Variants in FAM114A1 observed in about 807,000 individuals in gnomAD.
FAM114A1 encodes protein NOXP20.
Under a neutral mutation model 64.3 loss-of-function variants are expected in FAM114A1, and 62 were observed. The ratio of observed to expected loss-of-function variants is 0.96; its 90% confidence interval spans 0.79 to 1.19. The LOEUF (loss-of-function observed/expected upper bound fraction) is 1.19. Ranked by LOEUF, FAM114A1 falls within the 50% of genes most tolerant of loss-of-function variation. FAM114A1 has a pLI of 0.00. For synonymous variants in FAM114A1, 254 were observed against 251.1 expected (o/e 1.01, Z -0.11); for missense variants, 645 against 676.3 (o/e 0.95, Z 0.51).
intron 6 of FAM114A1, among the ~76,000 whole-genome samples, chr4:38,907,315 T>C (rs1718105182): frequency 6.6e-6 from 1 of 152,140 alleles, no homozygotes; most frequent in African/African-American, 2.4e-5. Context: ...ATTCACGGCC[T>C]ATCTGAGCTA....
At chr4:38,894,518 T>C (rs1176414877) in intron 4 of FAM114A1, among the ~76,000 whole-genome samples, 2 of 152,194 alleles carry the variant, frequency 1.3e-5, no homozygotes, top group African/African-American at 4.8e-5. Flanking sequence ...CATCTACTGG[T>C]TATATTTGAA....
At chr4:38,928,283 A>C (rs547715109) in intron 9 of FAM114A1, among the ~76,000 whole-genome samples, 3 of 152,316 alleles carry the variant, frequency 2.0e-5, no homozygotes, top group African/African-American at 7.2e-5. Flanking sequence ...CAGGTGAGAT[A>C]AATGATGCCT....
chr4:38,912,382 T>TTTTG lies in FAM114A1; in HGVS notation c.793-2523_793-2520dup, dbSNP rs376807495. Among the ~76,000 whole-genome samples, 749 of 151,706 alleles carry TTTTG rather than the reference T, an allele frequency of 4.9e-3. 9 individuals carry two copies. Among genetic ancestry groups the TTTTG allele is most frequent in the African/African-American group, 0.017 (701 of 41,410 alleles). On this transcript the variant is annotated intron_variant, in intron 7 of 14. Transcript: ENST00000358869. ...GCTTTAATTTCACTCCCCAGTTGTG[T>TTTTG]TTTGTTTGTTTGTTTGTTTTGAGAT...
At chr4:38,869,806 T>A (rs12642241) in intron 2 of FAM114A1, among the ~76,000 whole-genome samples, 37,162 of 151,704 alleles carry the variant, frequency 0.24, 4,964 homozygotes, top group Non-Finnish European at 0.29. Context: ...CCATTTTTTT[T>A]AAAAAAATCC....
chr4:38,936,253 C>T (rs963989489), intron 13 of FAM114A1, among the ~76,000 whole-genome samples: 15 of 151,724 alleles, frequency 9.9e-5, no homozygotes, highest in Admixed American at 4.6e-4. Flanking sequence ...CCACCACACC[C>T]GGCTAATTTT....
In FAM114A1 at chr4:38,905,607, A is replaced by G. The variant is rs1166549556; in HGVS notation, c.522A>G (p.Gln174=). 3.7e-6 allele frequency: 6 copies of G among 1,614,088 alleles called. No individual in the cohort carries two copies. The highest frequency in any genetic ancestry group is 2.2e-5 in the South Asian group (2 of 91,084). The stretch of plus-strand genomic sequence containing the variant: ...ATTCTGGATCTTCTGAAGGAGCCCA[A>G]CCAAATACTGAAAACGGAGTCCCTG... ...GVNSGSSEGA[Q]PNTENGVPEI... Residue 174 remains glutamine (Q), a synonymous_variant, in exon 5 of 15, where the codon CAA becomes CAG. Transcript: ENST00000358869.
intron 8 of FAM114A1, among the ~76,000 whole-genome samples, chr4:38,918,261 G>A (rs565963105): frequency 6.6e-6 from 1 of 152,178 alleles, no homozygotes; most frequent in African/African-American, 2.4e-5. Context: ...TCCTACAAAT[G>A]TATGGGTCAA....
intron 2 of FAM114A1, 90 bp from the exon 3 acceptor site, chr4:38,877,981 T>C (rs908204192): frequency 9.2e-7 from 1 of 1,085,808 alleles, no homozygotes; most frequent in Admixed American, 3.1e-5. Flanking sequence ...AAAAAAAAAG[T>C]TTTCCCCTAC....
intron 3 of FAM114A1, among the ~76,000 whole-genome samples, chr4:38,879,119 A>T (rs550478149): frequency 2.4e-4 from 36 of 152,024 alleles, no homozygotes; most frequent in African/African-American, 8.4e-4. Flanking sequence ...GTTTTCCTGG[A>T]GCTTTCACCT....
At chr4:38,904,379 G>T (rs1717792620) in intron 4 of FAM114A1, among the ~76,000 whole-genome samples, 2 of 152,204 alleles carry the variant, frequency 1.3e-5, no homozygotes, top group Admixed American at 6.5e-5. Flanking sequence ...ATGTAGACAA[G>T]ACTATGTCCG....
At chr4:38,937,204 A>G (rs2109805620) in intron 13 of FAM114A1, among the ~76,000 whole-genome samples, 1 of 152,310 alleles carries the variant, frequency 6.6e-6, no homozygotes, top group East Asian at 1.9e-4. Context: ...GGGCTGCTCT[A>G]ACAAAGTACC....
intron 8 of FAM114A1, among the ~76,000 whole-genome samples, chr4:38,919,272 T>G (rs1719358926): frequency 6.6e-6 from 1 of 152,196 alleles, no homozygotes; most frequent in Non-Finnish European, 1.5e-5. Context: ...CAAGTTCCCA[T>G]TTGAATTCCC....
intron 4 of FAM114A1, among the ~76,000 whole-genome samples, chr4:38,898,505 T>A (rs1717170577): frequency 6.6e-6 from 1 of 152,194 alleles, no homozygotes; most frequent in Admixed American, 6.5e-5. Flanking sequence ...GTGACATTGC[T>A]GATGATATGA....
chr4:38,914,534 C>T (rs1052793406), intron 7 of FAM114A1: 1 of 155,514 alleles, frequency 6.4e-6, no homozygotes, highest in African/African-American at 2.4e-5. Flanking sequence ...CCACTGCACT[C>T]CAGCCTGAGC....
intron 3 of FAM114A1, among the ~76,000 whole-genome samples, chr4:38,881,168 C>T (rs1177259462): frequency 1.3e-5 from 2 of 150,488 alleles, no homozygotes; most frequent in African/African-American, 4.9e-5. Flanking sequence ...TGAGCCACTG[C>T]ACTCCAGCCT....
intron 13 of FAM114A1, among the ~76,000 whole-genome samples, chr4:38,937,076 G>C (rs932384844): frequency 2.6e-5 from 4 of 152,120 alleles, no homozygotes; most frequent in Admixed American, 2.0e-4. Context: ...TCACCTTCCT[G>C]TTTTTTCTCT....
chr4:38,896,530 G>T (rs553196207), intron 4 of FAM114A1, among the ~76,000 whole-genome samples: 3 of 152,360 alleles, frequency 2.0e-5, no homozygotes, highest in Non-Finnish European at 2.9e-5. Context: ...CTGCTGAAAG[G>T]TAAGAGGGAT....
intron 9 of FAM114A1, among the ~76,000 whole-genome samples, chr4:38,925,114 A>T (rs1719985476): frequency 6.6e-6 from 1 of 152,192 alleles, no homozygotes; most frequent in Admixed American, 6.5e-5. Flanking sequence ...ATACACATTC[A>T]CATATACACA....
intron 10 of FAM114A1, among the ~76,000 whole-genome samples, 165 bp downstream of exon 10, chr4:38,929,498 G>A (rs1420795547): frequency 6.6e-6 from 1 of 152,172 alleles, no homozygotes; most frequent in East Asian, 1.9e-4. Flanking sequence ...TTGAGGAGGG[G>A]CTGGGCACGT....
Sources: gnomAD v4.1 joint callset for allele counts (sites outside exome capture counted in the v4.1 genomes callset) on GRCh38, gnomAD v4.1.1 for gene constraint, MANE v1.5 for transcripts, NCBI Gene and HGNC (gene_info 2026-07-23, HGNC 2026-07-21) for gene names.